The following EPHA6 variants were observed in gnomAD, a reference collection of about 807,000 sequenced individuals.
The protein encoded by EPHA6 is EPH receptor A6.
EPHA6 carries 50 observed loss-of-function variants against 112.0 expected under a neutral mutation model. That is an observed-to-expected ratio of 0.45 (90% CI 0.36 to 0.56). The LOEUF (loss-of-function observed/expected upper bound fraction) is 0.56, where lower values mean the gene tolerates loss of function less well. Among genes scored for constraint, EPHA6 ranks in the 20% least tolerant of loss-of-function variants. EPHA6 has a pLI of 0.00. For missense variants in EPHA6, 1,280 were observed against 1,417.4 expected (o/e 0.90, Z 1.56); for synonymous variants, 529 against 490.7 (o/e 1.08, Z -1.03).
intron 11 of EPHA6, among the ~76,000 whole-genome samples, chr3:97,556,254 G>T (rs1221799327): frequency 1.3e-5 from 2 of 151,898 alleles, no homozygotes; most frequent in East Asian, 3.9e-4. Flanking sequence ...TGACCCTTTT[G>T]TTTCTAAAGA....
rs2092140281 is a variant in EPHA6 at position 97,502,236 on chromosome 3, T to C, written c.2200+18177T>C. On this transcript the variant is annotated intron_variant, in intron 10 of 17. Coordinates refer to ENST00000389672, the MANE Select transcript of EPHA6 (RefSeq NM_001080448.3). ...CACGCTGGAGTGCAATGGTGCAATC[T>C]CGGCTCACTGCAACCTCTGCCTCCT... Among the ~76,000 whole-genome samples, 3 of 147,048 alleles carry C rather than the reference T, an allele frequency of 2.0e-5. No individual in the cohort carries two copies. The South Asian group carries it at 6.7e-4, about 33-fold the overall frequency.
intron 5 of EPHA6, among the ~76,000 whole-genome samples, chr3:97,382,642 A>G (rs2109025214): frequency 6.6e-6 from 1 of 152,146 alleles, no homozygotes; most frequent in African/African-American, 2.4e-5. Context: ...CATATAGTCT[A>G]CCACCTGACG....
At chr3:97,334,335 A>T (rs917666741) in intron 5 of EPHA6, among the ~76,000 whole-genome samples, 1 of 152,072 alleles carries the variant, frequency 6.6e-6, no homozygotes, top group Non-Finnish European at 1.5e-5. Flanking sequence ...CTCTTCTAAA[A>T]GAAGAGATTT....
chr3:96,940,121 C>T lies in EPHA6; in HGVS notation c.451-47209C>T, dbSNP rs369011803. Among the ~76,000 whole-genome samples the T allele has an allele frequency of 1.3e-3, 198 of 152,124 alleles. 2 individuals are homozygous for T. Among genetic ancestry groups the T allele is most frequent in the East Asian group, 2.3e-3 (12 of 5,170 alleles). On this transcript the variant is annotated intron_variant, in intron 2 of 17. Transcript: ENST00000389672. Reference sequence around the variant, plus strand: ...GAGTTCTGTAGATGTCTATTAGGTCCACTTGGTGCAGAGCTGAGTTCAATT... The same window carrying T: ...GAGTTCTGTAGATGTCTATTAGGTCTACTTGGTGCAGAGCTGAGTTCAATT...
At chr3:96,981,028 T>G (rs1462081167) in intron 2 of EPHA6, among the ~76,000 whole-genome samples, 3 of 152,186 alleles carry the variant, frequency 2.0e-5, no homozygotes, top group African/African-American at 7.2e-5. Context: ...TTTTCCTAAT[T>G]GAATACCCTT....
At chr3:97,692,882 C>T (rs1462855569) in intron 14 of EPHA6, among the ~76,000 whole-genome samples, 4 of 152,136 alleles carry the variant, frequency 2.6e-5, no homozygotes, top group African/African-American at 9.7e-5. Context: ...GTGCACTCTG[C>T]CATTACCAAT....
intron 3 of EPHA6, among the ~76,000 whole-genome samples, chr3:97,171,180 G>T (rs2108427365): frequency 6.6e-6 from 1 of 152,240 alleles, no homozygotes; most frequent in Non-Finnish European, 1.5e-5. Flanking sequence ...CCATGGAGTT[G>T]AGACAAACCA....
intron 7 of EPHA6, among the ~76,000 whole-genome samples, chr3:97,469,466 T>G (rs1313874796): frequency 2.0e-5 from 3 of 151,780 alleles, no homozygotes; most frequent in African/African-American, 7.2e-5. Context: ...CTTTTTTATT[T>G]GTTTTTGTCT....
intron 5 of EPHA6, among the ~76,000 whole-genome samples, chr3:97,393,186 C>T (rs1208666354): frequency 6.6e-6 from 1 of 151,778 alleles, no homozygotes; most frequent in African/African-American, 2.4e-5. Flanking sequence ...AGTAGTGGTA[C>T]AACATATATT....
chr3:97,433,240 C>T (rs764089902), intron 6 of EPHA6, among the ~76,000 whole-genome samples: 8 of 152,218 alleles, frequency 5.3e-5, no homozygotes, highest in African/African-American at 1.9e-4. Context: ...ATAAGAGTTT[C>T]GTTCTTCCTA....
intron 3 of EPHA6, among the ~76,000 whole-genome samples, chr3:97,191,836 G>A (rs2077314528): frequency 6.6e-6 from 1 of 151,978 alleles, no homozygotes; most frequent in African/African-American, 2.4e-5. Context: ...CCTTCTTTGG[G>A]GTATATATCT....
chr3:96,903,664 C>T (rs2038747903), intron 2 of EPHA6, among the ~76,000 whole-genome samples: 1 of 151,810 alleles, frequency 6.6e-6, no homozygotes, highest in Non-Finnish European at 1.5e-5. Flanking sequence ...GTTTTGCAAT[C>T]TAGGCAACCT....
In EPHA6 at chr3:97,405,235, T is replaced by A. The variant is rs1577264576; in HGVS notation, c.1692T>A (p.Asn564Lys). ...CATGGCAAGCACCTGCTTTTTCCAATGGAGCCATTCTGGACTACGAGATCA... is the reference window on the plus strand; with the variant it reads ...CATGGCAAGCACCTGCTTTTTCCAAAGGAGCCATTCTGGACTACGAGATCA... ...ALSWQAPAFS[N>K]GAILDYEIKY... Residue 564 changes from asparagine to lysine, a missense_variant, in exon 6 of 18, where the codon AAT becomes AAA. This residue lies in a region of EPHA6 where 878 missense variants were observed against 999.7 expected (regional missense o/e 0.88). Transcript: ENST00000389672. The A allele has an allele frequency of 5.6e-6, 9 of 1,611,534 alleles. No individual in the cohort carries two copies. In the East Asian group the frequency reaches 1.8e-4, roughly 32 times the overall value.
intron 16 of EPHA6, among the ~76,000 whole-genome samples, 181 bp from the exon 17 acceptor site, chr3:97,747,242 T>G (rs2035756357): frequency 1.3e-5 from 2 of 151,970 alleles, no homozygotes; most frequent in Non-Finnish European, 2.9e-5. Flanking sequence ...AAGTCACTGA[T>G]TTGATAAATA....
At chr3:97,313,308 T>G (rs1559872794) in intron 5 of EPHA6, among the ~76,000 whole-genome samples, 1 of 151,556 alleles carries the variant, frequency 6.6e-6, no homozygotes, top group Admixed American at 6.6e-5. Flanking sequence ...ATATTTAGGT[T>G]CCTTCCATAT....
intron 12 of EPHA6, among the ~76,000 whole-genome samples, chr3:97,600,833 G>A (rs1419659548): frequency 6.6e-6 from 1 of 151,478 alleles, no homozygotes; most frequent in South Asian, 2.1e-4. Context: ...TGATGCATTT[G>A]ATATCAAGCT....
intron 2 of EPHA6, among the ~76,000 whole-genome samples, chr3:96,933,539 A>G (rs2040439632): frequency 6.6e-6 from 1 of 152,196 alleles, no homozygotes; most frequent in African/African-American, 2.4e-5. Flanking sequence ...TTTGATTTCC[A>G]AAATTCTACA....
At chr3:97,288,875 T>A (rs186791563) in intron 5 of EPHA6, among the ~76,000 whole-genome samples, 21 of 152,222 alleles carry the variant, frequency 1.4e-4, no homozygotes, top group African/African-American at 4.8e-4. Flanking sequence ...TTGTTACATC[T>A]TCTTTTGAGA....
At chr3:97,748,098 G>A (rs556219018) in intron 17 of EPHA6, among the ~76,000 whole-genome samples, 2 of 152,090 alleles carry the variant, frequency 1.3e-5, no homozygotes, top group East Asian at 1.9e-4. Flanking sequence ...AGACAGTAAT[G>A]GCAATTTCAT....
Sources: gnomAD v4.1 joint callset for allele counts (sites outside exome capture counted in the v4.1 genomes callset) on GRCh38, gnomAD v4.1.1 for gene constraint, gnomAD v4.1.1 regional missense constraint, MANE v1.5 for transcripts, NCBI Gene and HGNC (gene_info 2026-07-23, HGNC 2026-07-21) for gene names.